Variants in LTN1 observed in about 807,000 individuals in gnomAD.
The protein encoded by LTN1 is listerin E3 ubiquitin protein ligase 1, also known as E3 ubiquitin-protein ligase listerin.
LTN1 carries 88 observed loss-of-function variants against 201.2 expected under a neutral mutation model. That is an observed-to-expected ratio of 0.44 (90% CI 0.37 to 0.52). The LOEUF is 0.52. LTN1 is among the 20% of genes least tolerant of loss of function. The pLI is 0.00. For synonymous variants in LTN1, 645 were observed against 713.5 expected, an observed-to-expected ratio of 0.90 and a Z score of 1.53; for missense variants, 1,752 against 2,038.7, an observed-to-expected ratio of 0.86 and a Z score of 2.71.
At chr21:28,981,343 G>T in intron 5 of LTN1, 44 bp from the exon 6 acceptor site, 1 of 1,110,466 alleles carries the variant, frequency 9.0e-7, no homozygotes, top group Non-Finnish European at 1.2e-6. Context: ...TTTAGAATTA[G>T]CCAAACTATA....
rs566556148 is a variant in LTN1 at position 28,969,030 on chromosome 21, G to A, written c.1311+436C>T. 4.3e-3 allele frequency among the ~76,000 whole-genome samples: 650 copies of A among 151,946 alleles called. 2 individuals carry two copies. The highest frequency in any genetic ancestry group is 0.015 in the African/African-American group (609 of 41,520). On this transcript the variant is annotated intron_variant, in intron 9 of 29. Transcript: ENST00000361371. The stretch of plus-strand genomic sequence containing the variant: ...GAGGTCAGCAGTTCTCGACCAGCCT[G>A]GCCAACATGGTGAAACGCCGTCTCT...
Position 28,930,417 on chromosome 21 carries a change from A to G in LTN1, c.*31T>C. The G allele has an allele frequency of 6.4e-7, 1 of 1,556,842 alleles. No homozygotes were observed. Among genetic ancestry groups the G allele is most frequent in the Non-Finnish European group, 8.8e-7 (1 of 1,130,106 alleles). On this transcript the variant is annotated 3_prime_UTR_variant, in exon 30 of 30. Coordinates refer to ENST00000361371, the MANE Select transcript of LTN1 (RefSeq NM_015565.3). ...CAAATCCAATGCCTTTGTTTGATGT[A>G]CTTCAGGGATCCCTTCCAGTGAAAA...
chr21:28,960,374 A>T, intron 12 of LTN1, 143 bp downstream of exon 12: 1 of 587,876 alleles, frequency 1.7e-6, no homozygotes, highest in Non-Finnish European at 2.8e-6. Context: ...AAAAGAAAAA[A>T]GAAAAGAAAA....
At position 28,982,380 on chromosome 21, in the gene LTN1, G is replaced by T. The variant is rs1279183939; in HGVS notation, c.577-12C>A. 1 of 1,608,868 alleles carries T rather than the reference G, an allele frequency of 6.2e-7. No individual in the cohort carries two copies. Among genetic ancestry groups the T allele is most frequent in the African/African-American group, 1.3e-5 (1 of 74,918 alleles). On this transcript the variant is annotated splice_polypyrimidine_tract_variant and intron_variant, in intron 4 of 29. Transcript: ENST00000361371. ...TGATCCTGCAGCACCTACAAAGGGG[G>T]GAAATACCAAAGCCTTTGGTTTTAC...
chr21:28,932,524 A>G lies in LTN1; in HGVS notation c.5016T>C (p.Ala1672=). ...GCATCCAGTTCCGCCACTGCTGAAC[A>G]GCTACTCCTACTCTTTTCCCACTTT... is the stretch of plus-strand genomic sequence containing the variant. ...IVESGKRVGV[A]VQQWRNWMLQ... is the part of the protein sequence containing the mutation. The change falls in exon 28 of 30, where the codon GCT becomes GCC. Residue 1672 remains alanine, a synonymous_variant. Transcript: ENST00000361371. 6.2e-7 allele frequency: 1 copy of G among 1,614,132 alleles called. No individual in the cohort carries two copies. Among genetic ancestry groups the G allele is most frequent in the Admixed American group, 1.7e-5 (1 of 60,032 alleles).
At chr21:28,977,399 C>T (rs2084624394) in intron 6 of LTN1, among the ~76,000 whole-genome samples, 2 of 150,410 alleles carry the variant, frequency 1.3e-5, no homozygotes, top group East Asian at 4.0e-4. Flanking sequence ...AAGAATACAA[C>T]CCAAAATATG....
intron 24 of LTN1, 24 bp downstream of exon 24, chr21:28,943,238 A>G: frequency 6.8e-7 from 1 of 1,467,064 alleles, no homozygotes; most frequent in Non-Finnish European, 9.5e-7. Context: ...ATTTAATAAA[A>G]CAAATTATTT....
intron 19 of LTN1, 94 bp downstream of exon 19, chr21:28,947,370 T>C: frequency 2.0e-6 from 2 of 1,017,882 alleles, no homozygotes; most frequent in Admixed American, 3.6e-5. Flanking sequence ...GTAATTCAAT[T>C]TACCTCTGCT....
At chr21:28,940,817 G>A (rs2084291304) in intron 25 of LTN1, among the ~76,000 whole-genome samples, 1 of 152,186 alleles carries the variant, frequency 6.6e-6, no homozygotes, top group Admixed American at 6.5e-5. Flanking sequence ...GCTGGGCGCA[G>A]TGGCTCATGC....
Position 28,957,401 on chromosome 21 carries a change from T to C in LTN1, c.2823A>G (p.Gly941=). The C allele has an allele frequency of 1.2e-6, 2 of 1,608,098 alleles. No individual in the cohort carries two copies. The highest frequency in any genetic ancestry group is 8.5e-7 in the Non-Finnish European group (1 of 1,177,784). Reference sequence around the variant, plus strand: ...TCGGCATTACACTTCCAATATAAACTCCCATAAGATAAGAATCTTCACTCT... The same window carrying C: ...TCGGCATTACACTTCCAATATAAACCCCCATAAGATAAGAATCTTCACTCT... ...LLESEDSYLM[G]VYIGSVMPND... is the part of the protein sequence containing the mutation. The change falls in exon 15 of 30, where the codon GGA becomes GGG. Residue 941 remains glycine (G), a synonymous_variant. Transcript: ENST00000361371.
At chr21:28,991,737 G>T (rs2084748169) in intron 1 of LTN1, among the ~76,000 whole-genome samples, 1 of 152,198 alleles carries the variant, frequency 6.6e-6, no homozygotes, top group South Asian at 2.1e-4. Context: ...TGCTATAATT[G>T]TTAATACTGT....
intron 6 of LTN1, among the ~76,000 whole-genome samples, chr21:28,978,431 T>C (rs927479096): frequency 9.9e-5 from 15 of 152,194 alleles, no homozygotes; most frequent in African/African-American, 3.6e-4. Flanking sequence ...TGACTCACCA[T>C]ATATGAAGAA....
intron 23 of LTN1, 80 bp from the exon 24 acceptor site, chr21:28,943,416 C>T: frequency 1.2e-6 from 1 of 835,280 alleles, no homozygotes; most frequent in African/African-American, 1.7e-5. Flanking sequence ...AAGACCAATA[C>T]TTATTTTATA....
chr21:28,948,938 TTA>T (rs1165186097), intron 18 of LTN1, among the ~76,000 whole-genome samples: 1 of 152,238 alleles, frequency 6.6e-6, no homozygotes, highest in African/African-American at 2.4e-5. Flanking sequence ...TTTGAATGTA[TTA>T]TATGTTGGTG....
chr21:28,946,294 T>C lies in LTN1; in HGVS notation c.3488-7A>G. The C allele has an allele frequency of 6.5e-7, 1 of 1,537,306 alleles. No homozygotes were observed. Among genetic ancestry groups the C allele is most frequent in the South Asian group, 1.3e-5 (1 of 78,136 alleles). ...GCAAGATGTCCAAAACCTCCTAAAG[T>C]AAAATTCAAAATGAAAATTAAAAAT... On this transcript the variant is annotated splice_polypyrimidine_tract_variant and splice_region_variant and intron_variant, in intron 19 of 29. Coordinates refer to ENST00000361371, the MANE Select transcript of LTN1 (RefSeq NM_015565.3).
At chr21:28,952,287 T>G in intron 17 of LTN1, 23 bp from the exon 18 acceptor site, 1 of 1,384,928 alleles carries the variant, frequency 7.2e-7, no homozygotes, top group South Asian at 1.3e-5. Context: ...AGAAAAAAAT[T>G]ATATTCCGTT....
intron 18 of LTN1, among the ~76,000 whole-genome samples, chr21:28,949,623 G>A (rs2146275782): frequency 6.6e-6 from 1 of 152,202 alleles, no homozygotes; most frequent in East Asian, 1.9e-4. Context: ...ATTTCACTCA[G>A]CATAATGTCC....
At chr21:28,948,444 T>C (rs2084358528) in intron 18 of LTN1, among the ~76,000 whole-genome samples, 1 of 151,400 alleles carries the variant, frequency 6.6e-6, no homozygotes, top group East Asian at 2.0e-4. Flanking sequence ...TAACTTTTTT[T>C]TTTCATTTAG....
chr21:28,979,697 C>T (rs745814474), intron 6 of LTN1, among the ~76,000 whole-genome samples: 2 of 152,116 alleles, frequency 1.3e-5, no homozygotes, highest in East Asian at 1.9e-4. Context: ...AGGCCGGGCA[C>T]GGTGGCTCAC....
Sources: allele counts gnomAD v4.1 joint callset (sites outside exome capture counted in the v4.1 genomes callset), GRCh38; gene constraint gnomAD v4.1.1; transcripts MANE v1.5; gene names NCBI Gene and HGNC (gene_info 2026-07-23, HGNC 2026-07-21).